SSBP2: variants seen among roughly 807,000 people sequenced by gnomAD.
The protein encoded by SSBP2 is single stranded DNA binding protein 2.
Under a neutral mutation model 61.8 loss-of-function variants are expected in SSBP2, and 17 were observed. The observed-to-expected ratio is 0.28, with a 90% CI of 0.19 to 0.41. The LOEUF (loss-of-function observed/expected upper bound fraction) is 0.41, where lower values mean the gene tolerates loss of function less well. Ranked by LOEUF, SSBP2 falls within the 10% of genes least tolerant of loss-of-function variation. The probability of loss-of-function intolerance (pLI) is 1.00; values close to 1 mark genes in which losing one functional copy is unlikely to be tolerated. For synonymous variants in SSBP2, 139 were observed against 141.3 expected (o/e 0.98, Z 0.12); for missense variants, 310 against 458.7 (o/e 0.68, Z 2.96).
At chr5:81,489,071 T>C (rs548060369) in intron 6 of SSBP2, among the ~76,000 whole-genome samples, 179 bp downstream of exon 6, 5 of 152,270 alleles carry the variant, frequency 3.3e-5, no homozygotes, top group South Asian at 2.1e-4. Context: ...AATAAAACTT[T>C]ATTTATAAAA....
At chr5:81,568,200 C>A (rs753961034) in intron 4 of SSBP2, among the ~76,000 whole-genome samples, 1 of 152,146 alleles carries the variant, frequency 6.6e-6, no homozygotes, top group Admixed American at 6.5e-5. Flanking sequence ...ATTGTACTCC[C>A]ATAATTCCCA....
intron 1 of SSBP2, among the ~76,000 whole-genome samples, chr5:81,738,218 G>T (rs940501363): frequency 6.6e-6 from 1 of 152,074 alleles, no homozygotes; most frequent in African/African-American, 2.4e-5. Flanking sequence ...TTCTTGATGT[G>T]GGTACTTGGT....
intron 4 of SSBP2, among the ~76,000 whole-genome samples, chr5:81,557,050 A>G (rs1286552919): frequency 6.6e-6 from 1 of 152,052 alleles, no homozygotes; most frequent in African/African-American, 2.4e-5. Context: ...CTCTTCCTTC[A>G]TACTCTGGTA....
chr5:81,657,914 A>G (rs75927443), intron 1 of SSBP2, among the ~76,000 whole-genome samples: 1 of 152,002 alleles, frequency 6.6e-6, no homozygotes, highest in East Asian at 1.9e-4. Context: ...TTAATTGATA[A>G]ATAAAAATTG....
chr5:81,576,723 T>G (rs1774244007), intron 4 of SSBP2, among the ~76,000 whole-genome samples: 1 of 152,132 alleles, frequency 6.6e-6, no homozygotes, highest in Non-Finnish European at 1.5e-5. Context: ...TGATTTTCAA[T>G]AGTAAAACTT....
chr5:81,738,783 T>C (rs764867919), intron 1 of SSBP2, among the ~76,000 whole-genome samples: 3 of 152,198 alleles, frequency 2.0e-5, no homozygotes, highest in Non-Finnish European at 2.9e-5. Flanking sequence ...CTAATGGATC[T>C]ACCTCCCCCT....
intron 5 of SSBP2, among the ~76,000 whole-genome samples, chr5:81,495,909 G>C (rs577780763): frequency 1.3e-5 from 2 of 151,936 alleles, no homozygotes; most frequent in South Asian, 4.2e-4. Context: ...CCTCTAAAAT[G>C]TCAATTGCTA....
At chr5:81,628,796 A>C (rs1747423322) in intron 3 of SSBP2, among the ~76,000 whole-genome samples, 1 of 152,202 alleles carries the variant, frequency 6.6e-6, no homozygotes, top group Non-Finnish European at 1.5e-5. Context: ...AAATTTCTCT[A>C]TCCTATATTA....
chr5:81,661,042 C>T (rs1008342512), intron 1 of SSBP2, among the ~76,000 whole-genome samples: 1 of 151,900 alleles, frequency 6.6e-6, no homozygotes, highest in African/African-American at 2.4e-5. Context: ...AGCATTAGGA[C>T]TAATACCTAA....
intron 4 of SSBP2, among the ~76,000 whole-genome samples, chr5:81,568,258 G>A (rs1419215969): frequency 6.6e-6 from 1 of 152,152 alleles, no homozygotes; most frequent in Non-Finnish European, 1.5e-5. Context: ...CATAGGGGCA[G>A]CTTTCCCCAA....
chr5:81,487,252 G>T (rs1766452819), intron 6 of SSBP2, among the ~76,000 whole-genome samples: 1 of 152,102 alleles, frequency 6.6e-6, no homozygotes, highest in Admixed American at 6.5e-5. Context: ...TTCTTCTCGG[G>T]TTATATACAT....
intron 2 of SSBP2, among the ~76,000 whole-genome samples, chr5:81,644,517 C>T (rs1351295156): frequency 6.6e-6 from 1 of 152,130 alleles, no homozygotes; most frequent in Non-Finnish European, 1.5e-5. Flanking sequence ...GTGAAAAATT[C>T]CCTGTAGCAA....
intron 1 of SSBP2, among the ~76,000 whole-genome samples, chr5:81,719,984 A>G (rs773602104): frequency 1.3e-5 from 2 of 152,062 alleles, no homozygotes; most frequent in Non-Finnish European, 2.9e-5. Context: ...TGGCTGTTTT[A>G]CATATGAAAA....
intron 5 of SSBP2, among the ~76,000 whole-genome samples, chr5:81,494,182 C>T (rs987893207): frequency 1.3e-5 from 2 of 152,110 alleles, no homozygotes; most frequent in Non-Finnish European, 2.9e-5. Flanking sequence ...TACATCATCC[C>T]TATTTGATAG....
At chr5:81,670,315 C>A (rs1180893640) in intron 1 of SSBP2, among the ~76,000 whole-genome samples, 1 of 152,040 alleles carries the variant, frequency 6.6e-6, no homozygotes, top group Non-Finnish European at 1.5e-5. Context: ...TTGCTGTGAA[C>A]CTAAAAGTTA....
chr5:81,711,065 C>G (rs1026656994), intron 1 of SSBP2, among the ~76,000 whole-genome samples: 5 of 151,922 alleles, frequency 3.3e-5, no homozygotes, highest in Non-Finnish European at 5.9e-5. Context: ...ATAAAAATAA[C>G]AAATCTGATT....
chr5:81,465,025 G>C (rs750489154), intron 9 of SSBP2, among the ~76,000 whole-genome samples: 1 of 151,900 alleles, frequency 6.6e-6, no homozygotes, highest in Non-Finnish European at 1.5e-5. Context: ...CACTCTTATA[G>C]AGCATTCATA....
At position 81,582,664 on chromosome 5, in the gene SSBP2, G is replaced by T. The variant is rs2153478807; in HGVS notation, c.282+32809C>A. On this transcript the variant is annotated intron_variant, in intron 4 of 16. Transcript: ENST00000320672. ...GATGGAGTGCAGTGGTGCAATCTTGGCTCACTACAAACTCCACCTCCCCAG... is the reference window on the plus strand; with the variant it reads ...GATGGAGTGCAGTGGTGCAATCTTGTCTCACTACAAACTCCACCTCCCCAG... Among the ~76,000 whole-genome samples, 2 of 152,164 alleles carry T rather than the reference G, an allele frequency of 1.3e-5. 1 individual carries two copies. The highest frequency in any genetic ancestry group is 4.2e-4 in the South Asian group (2 of 4,808).
At chr5:81,626,446 G>A (rs1020280840) in intron 3 of SSBP2, among the ~76,000 whole-genome samples, 3 of 152,144 alleles carry the variant, frequency 2.0e-5, no homozygotes, top group African/African-American at 2.4e-5. Flanking sequence ...GGCAGAGCTG[G>A]GCTTGAGCCT....
Sources: gnomAD v4.1 joint callset for allele counts (sites outside exome capture counted in the v4.1 genomes callset) on GRCh38, gnomAD v4.1.1 for gene constraint, MANE v1.5 for transcripts, NCBI Gene and HGNC (gene_info 2026-07-23, HGNC 2026-07-21) for gene names.